The following ZFAND1 variants were observed in gnomAD, a reference collection of about 807,000 sequenced individuals.
The protein encoded by ZFAND1 is AN1-type zinc finger protein 1.
A neutral mutation model predicts 38.5 loss-of-function variants in ZFAND1; 40 were observed. The observed-to-expected ratio is 1.04, with a 90% CI of 0.81 to 1.35. The LOEUF (loss-of-function observed/expected upper bound fraction) is 1.35. Among genes scored for constraint, ZFAND1 ranks in the 40% most tolerant of loss-of-function variants. ZFAND1 has a pLI of 0.00. For missense variants in ZFAND1, 346 were observed against 316.3 expected (o/e 1.09, Z -0.71); for synonymous variants, 117 against 103.6 (o/e 1.13, Z -0.78).
At position 81,720,528 on chromosome 8, in the gene ZFAND1, C is replaced by G. The variant is rs563976938; in HGVS notation, c.55+699G>C. Among the ~76,000 whole-genome samples, 6 of 152,274 alleles carry G rather than the reference C, an allele frequency of 3.9e-5. 1 individual carries two copies. In the East Asian group the frequency reaches 1.2e-3, roughly 29 times the overall value. On this transcript the variant is annotated intron_variant, in intron 1 of 7. Transcript: ENST00000220669. ...CATGATGACCATTTGGTGGAATAAT[C>G]TGAGGATCAGGATGCCTTTGAGAAT... is the stretch of plus-strand genomic sequence containing the variant.
At chr8:81,708,680 T>C in intron 6 of ZFAND1, 2 of 859,036 alleles carry the variant, frequency 2.3e-6, no homozygotes, top group Non-Finnish European at 2.9e-6. Context: ...GACTGTAAAA[T>C]ATTAAAAAGA....
At chr8:81,705,917 C>CAAAAA (rs1351752308) in intron 6 of ZFAND1, among the ~76,000 whole-genome samples, 9 of 151,402 alleles carry the variant, frequency 5.9e-5, no homozygotes, top group Non-Finnish European at 1.2e-4. Flanking sequence ...GACTCTGTCT[C>CAAAAA]AAAACAAAAA....
chr8:81,718,374 C>A, intron 1 of ZFAND1, 150 bp from the exon 2 acceptor site: 1 of 469,326 alleles, frequency 2.1e-6, no homozygotes. Context: ...CAAAATTAAT[C>A]ACAACTTCAA....
chr8:81,708,248 C>CAAAA (rs746812833), intron 6 of ZFAND1, among the ~76,000 whole-genome samples: 6 of 62,898 alleles, frequency 9.5e-5, no homozygotes, highest in African/African-American at 2.5e-4. Flanking sequence ...AAAGCTCCAT[C>CAAAA]AAAAAAAAAA....
intron 6 of ZFAND1, among the ~76,000 whole-genome samples, chr8:81,709,576 C>A (rs997992465): frequency 1.3e-5 from 2 of 151,786 alleles, no homozygotes; most frequent in Non-Finnish European, 2.9e-5. Context: ...ACACATATAA[C>A]AAATACACTT....
In ZFAND1 at chr8:81,721,244, T is replaced by C. The variant is rs759922306; in HGVS notation, c.38A>G (p.Glu13Gly). Residue 13 changes from glutamate (E) to glycine (G), a missense_variant, in exon 1 of 8, where the codon GAG (glutamate) becomes GGG (glycine). Transcript: ENST00000220669. ...ELDIGQHCQV[E>G]HCRQRDFLPF... Reference sequence around the variant, plus strand: ...CGGATCACCTCGCTGCCGGCAATGCTCCACCTGGCAGTGCTGCCCGATGTC... The same window carrying C: ...CGGATCACCTCGCTGCCGGCAATGCCCCACCTGGCAGTGCTGCCCGATGTC... 21 of 1,548,966 alleles carry C rather than the reference T, an allele frequency of 1.4e-5. No homozygotes were observed. Among genetic ancestry groups the C allele is most frequent in the Middle Eastern group, 2.0e-4 (1 of 5,012 alleles).
Position 81,715,073 on chromosome 8 carries a change from T to A in ZFAND1, c.180A>T (p.Thr60=). 6.2e-7 allele frequency: 1 copy of A among 1,614,052 alleles called. No homozygotes were observed. Among genetic ancestry groups the A allele is most frequent in the South Asian group, 1.1e-5 (1 of 91,086 alleles). The stretch of plus-strand genomic sequence containing the variant: ...AGTCTTTGAAAGAGCATGGGTAAGA[T>A]GTATGTTGATCTGTCTTCAGTCTCT... ...INERLKTDQH[T]SYPCSFKDCA... Residue 60 remains threonine, a synonymous_variant, in exon 4 of 8, where the codon ACA becomes ACT. Coordinates refer to ENST00000220669, the MANE Select transcript of ZFAND1 (RefSeq NM_024699.3).
chr8:81,713,204 G>T (rs974204796), intron 6 of ZFAND1, among the ~76,000 whole-genome samples: 1 of 152,028 alleles, frequency 6.6e-6, no homozygotes, highest in African/African-American at 2.4e-5. Context: ...CTCACTGCAA[G>T]CTCTGCCTCC....
Position 81,718,214 on chromosome 8 carries a change from T to C in ZFAND1, c.66A>G (p.Pro22=), listed in dbSNP as rs776253381. ...VEHCRQRDFL[P]FVCDDCSGIF... ...TTCCTGAACAATCATCACACACAAATGGAAGAAAATCTAAAATTGAGAGAA... is the reference window on the plus strand; with the variant it reads ...TTCCTGAACAATCATCACACACAAACGGAAGAAAATCTAAAATTGAGAGAA... The change falls in exon 2 of 8, where the codon CCA becomes CCG. Residue 22 remains proline (P), a synonymous_variant. Coordinates refer to ENST00000220669, the MANE Select transcript of ZFAND1 (RefSeq NM_024699.3). 2 of 1,573,950 alleles carry C rather than the reference T, an allele frequency of 1.3e-6. No homozygotes were observed. Among genetic ancestry groups the C allele is most frequent in the Non-Finnish European group, 1.7e-6 (2 of 1,159,768 alleles).
chr8:81,704,962 TA>T (rs1023826326), intron 6 of ZFAND1, among the ~76,000 whole-genome samples: 8 of 142,254 alleles, frequency 5.6e-5, no homozygotes, highest in East Asian at 2.5e-4. Context: ...CTTTTTTTTT[TA>T]AAAAAGATAA....
At chr8:81,719,480 C>T (rs1808410540) in intron 1 of ZFAND1, among the ~76,000 whole-genome samples, 1 of 152,024 alleles carries the variant, frequency 6.6e-6, no homozygotes, top group African/African-American at 2.4e-5. Context: ...GCACTCCATC[C>T]TGGGTGACAG....
chr8:81,709,621 T>A (rs990245533), intron 6 of ZFAND1, among the ~76,000 whole-genome samples: 5 of 152,136 alleles, frequency 3.3e-5, no homozygotes, highest in Admixed American at 2.6e-4. Flanking sequence ...ACAATATGCA[T>A]GTATATATTA....
At chr8:81,718,776 T>C (rs1808386036) in intron 1 of ZFAND1, among the ~76,000 whole-genome samples, 3 of 150,676 alleles carry the variant, frequency 2.0e-5, no homozygotes, top group Non-Finnish European at 4.4e-5. Flanking sequence ...TATTTATATA[T>C]ACACCTATAA....
intron 6 of ZFAND1, among the ~76,000 whole-genome samples, chr8:81,709,664 A>G (rs943606501): frequency 9.2e-5 from 14 of 152,146 alleles, no homozygotes; most frequent in Admixed American, 9.2e-4. Flanking sequence ...AGACACCCAC[A>G]TATATCTCTA....
chr8:81,704,325 C>G (rs1467890182), intron 6 of ZFAND1, among the ~76,000 whole-genome samples: 1 of 151,860 alleles, frequency 6.6e-6, no homozygotes, highest in Non-Finnish European at 1.5e-5. Flanking sequence ...TTGTTTCAGC[C>G]CAGGAGTTCA....
intron 5 of ZFAND1, 78 bp downstream of exon 5, chr8:81,714,726 C>G: frequency 8.0e-7 from 1 of 1,248,248 alleles, no homozygotes; most frequent in Non-Finnish European, 1.2e-6. Context: ...ATGATGCCTC[C>G]CATAATTGGA....
At position 81,703,049 on chromosome 8, in the gene ZFAND1, G is replaced by C; in HGVS notation, c.556C>G (p.Arg186Gly). 1 of 1,578,902 alleles carries C rather than the reference G, an allele frequency of 6.3e-7. No individual in the cohort carries two copies. Among genetic ancestry groups the C allele is most frequent in the South Asian group, 1.2e-5 (1 of 86,332 alleles). Residue 186 changes from arginine to glycine, a missense_variant, in exon 7 of 8, where the codon CGA (arginine) becomes GGA (glycine). Coordinates refer to ENST00000220669, the MANE Select transcript of ZFAND1 (RefSeq NM_024699.3). ...TCTATGGCCTTTCCAATGCTCCATC[G>C]GTGGCAAAAGAACATTGGTTTGCTC... ...EKSKPMFFCH[R>G]WSIGKAIDFA...
intron 6 of ZFAND1, among the ~76,000 whole-genome samples, chr8:81,711,030 G>A (rs1451555397): frequency 6.6e-6 from 1 of 152,184 alleles, no homozygotes; most frequent in African/African-American, 2.4e-5. Flanking sequence ...AAAGTTATTT[G>A]TACTATGTTT....
chr8:81,719,054 C>T (rs1335936597), intron 1 of ZFAND1, among the ~76,000 whole-genome samples: 1 of 151,928 alleles, frequency 6.6e-6, no homozygotes, highest in East Asian at 1.9e-4. Context: ...ACACCGACCT[C>T]ACAGTGTACT....
Sources: gnomAD v4.1 joint callset for allele counts (sites outside exome capture counted in the v4.1 genomes callset) on GRCh38, gnomAD v4.1.1 for gene constraint, MANE v1.5 for transcripts, NCBI Gene and HGNC (gene_info 2026-07-23, HGNC 2026-07-21) for gene names.